ASPH: variants seen among roughly 807,000 people sequenced by gnomAD.
ASPH encodes the protein aspartate beta-hydroxylase, also known as aspartyl/asparaginyl beta-hydroxylase.
In ASPH, 100 loss-of-function variants were observed where a neutral mutation model predicts 118.4. That is an observed-to-expected ratio of 0.84 (90% CI 0.72 to 1.00). ASPH has a LOEUF of 1.00. ASPH is among the 50% of genes least tolerant of loss of function. ASPH has a pLI of 0.00. For synonymous variants in ASPH, 315 were observed against 325.6 expected, an observed-to-expected ratio of 0.97 and a Z score of 0.35; for missense variants, 920 against 919.5, an observed-to-expected ratio of 1.00 and a Z score of -0.01.
At chr8:61,579,127 C>T (rs1009757364) in intron 15 of ASPH, 11 of 1,611,246 alleles carry the variant, frequency 6.8e-6, no homozygotes, top group Admixed American at 1.7e-5. Context: ...CTGTGGCGCA[C>T]AAAGACTGAG....
At chr8:61,518,266 A>G in intron 22 of ASPH, 143 bp from the exon 23 acceptor site, 6 of 668,350 alleles carry the variant, frequency 9.0e-6, no homozygotes, top group Non-Finnish European at 1.2e-5. Context: ...TAGGAATGCA[A>G]AAGGCTTATT....
chr8:61,521,414 G>A lies in ASPH; in HGVS notation c.1901-3291C>T, dbSNP rs561633064. 5.2e-4 allele frequency among the ~76,000 whole-genome samples: 79 copies of A among 152,254 alleles called. No individual in the cohort carries two copies. In the South Asian group the frequency reaches 0.016, roughly 31 times the overall value. ...ATCCTAGTAACAACCCCATACTTGAGGCACTATTTGCCATTTTTCAGATGA... is the reference window on the plus strand; with the variant it reads ...ATCCTAGTAACAACCCCATACTTGAAGCACTATTTGCCATTTTTCAGATGA... On this transcript the variant is annotated intron_variant, in intron 22 of 24. Coordinates refer to ENST00000379454, the MANE Select transcript of ASPH (RefSeq NM_004318.4).
intron 16 of ASPH, among the ~76,000 whole-genome samples, chr8:61,574,877 A>C (rs1422161963): frequency 1.3e-5 from 2 of 152,128 alleles, no homozygotes; most frequent in Non-Finnish European, 2.9e-5. Context: ...ACCCAAAAAA[A>C]CAAACAAACC....
chr8:61,552,936 T>G, intron 20 of ASPH, 95 bp downstream of exon 20: 3 of 1,090,952 alleles, frequency 2.7e-6, no homozygotes, highest in Non-Finnish European at 4.0e-6. Context: ...AAGTTCACAC[T>G]CAAAATATTT....
chr8:61,714,136 AAGG>A (rs1475339283), intron 1 of ASPH, 130 bp downstream of exon 1: 1 of 1,248,386 alleles, frequency 8.0e-7, no homozygotes, highest in Non-Finnish European at 1.0e-6. Context: ...CGCGCGCCTA[AAGG>A]AGGAGCGTCG....
In ASPH at chr8:61,601,755, G is replaced by A. The variant is rs192212123; in HGVS notation, c.976+17223C>T. 1.7e-3 allele frequency among the ~76,000 whole-genome samples: 262 copies of A among 151,140 alleles called. 18 individuals carry two copies. The highest frequency in any genetic ancestry group is 6.0e-3 in the African/African-American group (243 of 40,622). On this transcript the variant is annotated intron_variant, in intron 14 of 24. Transcript: ENST00000379454. ...CAGACCGATCAAGAAAAAGAGAGAA[G>A]ACACAAATAAACATAAATAGCCAAC... is the stretch of plus-strand genomic sequence containing the variant.
intron 14 of ASPH, among the ~76,000 whole-genome samples, chr8:61,617,929 T>A (rs865808055): frequency 2.5e-5 from 2 of 80,936 alleles, no homozygotes; most frequent in East Asian, 3.4e-4. Context: ...TGAGACGCCA[T>A]CTCAAAAAAA....
intron 18 of ASPH, among the ~76,000 whole-genome samples, chr8:61,556,530 C>G (rs2131272980): frequency 6.6e-6 from 1 of 152,268 alleles, no homozygotes; most frequent in South Asian, 2.1e-4. Context: ...TTCTTGAGTG[C>G]CCAGACCATT....
intron 6 of ASPH, among the ~76,000 whole-genome samples, chr8:61,644,865 C>G (rs1194019625): frequency 6.6e-6 from 1 of 152,194 alleles, no homozygotes; most frequent in East Asian, 1.9e-4. Flanking sequence ...TGACAACCAC[C>G]ACCCCCTGGA....
At chr8:61,513,814 C>T (rs1184424374) in intron 24 of ASPH, among the ~76,000 whole-genome samples, 1 of 152,114 alleles carries the variant, frequency 6.6e-6, no homozygotes, top group Admixed American at 6.5e-5. Flanking sequence ...CCTTCTAACC[C>T]TCCTCTGCCT....
chr8:61,668,465 C>T (rs1820801318), intron 3 of ASPH, among the ~76,000 whole-genome samples: 1 of 152,166 alleles, frequency 6.6e-6, no homozygotes, highest in Non-Finnish European at 1.5e-5. Context: ...CTATCTTTAA[C>T]ATATAAATGC....
In ASPH at chr8:61,526,015, T is replaced by A; in HGVS notation, c.1862A>T (p.Glu621Val). 1 of 1,614,018 alleles carries A rather than the reference T, an allele frequency of 6.2e-7. No individual in the cohort carries two copies. Among genetic ancestry groups the A allele is most frequent in the East Asian group, 2.2e-5 (1 of 44,870 alleles). Residue 621 changes from glutamate to valine, a missense_variant, in exon 22 of 25, where the codon GAA (glutamate) becomes GTA (valine). Glu to Val is a moderately radical substitution (Grantham distance 121). Transcript: ENST00000379454. ...LFLPEDENLREKGDWSQFTLW... is the reference protein window; with the variant it reads ...LFLPEDENLRVKGDWSQFTLW... ...CGTGAACTGGCTCCAGTCCCCTTTT[T>A]CCCTCAGGTTTTCATCCTCAGGCAG...
chr8:61,693,096 C>CCCAT (rs1833042978), intron 1 of ASPH, among the ~76,000 whole-genome samples: 2 of 152,180 alleles, frequency 1.3e-5, no homozygotes, highest in South Asian at 4.1e-4. Context: ...CCACTCCCAC[C>CCCAT]CCATGCTCAG....
chr8:61,598,276 C>A (rs1472536103), intron 14 of ASPH, among the ~76,000 whole-genome samples: 1 of 151,816 alleles, frequency 6.6e-6, no homozygotes, highest in African/African-American at 2.4e-5. Flanking sequence ...AGCAAAAAGA[C>A]AGAAAAAGAT....
intron 3 of ASPH, among the ~76,000 whole-genome samples, chr8:61,674,199 G>T (rs1448569947): frequency 6.6e-6 from 1 of 152,174 alleles, no homozygotes; most frequent in Non-Finnish European, 1.5e-5. Context: ...ATTAGGCTGG[G>T]TGAATTTCAT....
intron 1 of ASPH, among the ~76,000 whole-genome samples, chr8:61,693,092 C>A (rs1165542997): frequency 2.6e-5 from 4 of 152,148 alleles, no homozygotes; most frequent in Non-Finnish European, 5.9e-5. Flanking sequence ...TTTCCCACTC[C>A]CACCCCATGC....
At chr8:61,519,886 G>C (rs1174893813) in intron 22 of ASPH, among the ~76,000 whole-genome samples, 2 of 152,156 alleles carry the variant, frequency 1.3e-5, no homozygotes, top group Non-Finnish European at 2.9e-5. Flanking sequence ...AGAACTATAA[G>C]ATAATAAATG....
rs10101335 is a variant in ASPH, at chr8:61,670,316, A to T, written c.322+10652T>A. On this transcript the variant is annotated intron_variant, in intron 3 of 24. Coordinates refer to ENST00000379454, the MANE Select transcript of ASPH (RefSeq NM_004318.4). ...AAATGTGTTTGTTTGTTTTTTTTTT[A>T]AAGTGAAATGATCAGTTTTAGGAAG... Among the ~76,000 whole-genome samples, 838 of 151,566 alleles carry T rather than the reference A, an allele frequency of 5.5e-3. 9 individuals carry two copies. The highest frequency in any genetic ancestry group is 0.019 in the African/African-American group (778 of 41,396).
intron 15 of ASPH, chr8:61,578,635 T>C (rs202237112): frequency 4.5e-6 from 7 of 1,569,232 alleles, no homozygotes; most frequent in African/African-American, 1.3e-5. Flanking sequence ...ATGGACAACA[T>C]GTTCGAGAGC....
Sources: allele counts gnomAD v4.1 joint callset (sites outside exome capture counted in the v4.1 genomes callset), GRCh38; gene constraint gnomAD v4.1.1; transcripts MANE v1.5; gene names NCBI Gene and HGNC (gene_info 2026-07-23, HGNC 2026-07-21).